The following SLC2A11 variants were observed in gnomAD, a reference collection of about 807,000 sequenced individuals.
SLC2A11 encodes solute carrier family 2 member 11.
SLC2A11 carries 43 observed loss-of-function variants against 52.1 expected under a neutral mutation model. That is an observed-to-expected ratio of 0.82 (90% CI 0.65 to 1.06). The LOEUF (loss-of-function observed/expected upper bound fraction) is 1.06, where lower values mean the gene tolerates loss of function less well. SLC2A11 is among the 50% of genes least tolerant of loss of function. The pLI, the probability that SLC2A11 is intolerant of heterozygous loss-of-function variation, is 0.00. For missense variants in SLC2A11, 582 were observed against 654.2 expected, an observed-to-expected ratio of 0.89 and a Z score of 1.20; for synonymous variants, 261 against 277.6, an observed-to-expected ratio of 0.94 and a Z score of 0.59.
chr22:23,862,561 A>C (rs1462507426), intron 2 of SLC2A11, among the ~76,000 whole-genome samples: 1 of 150,672 alleles, frequency 6.6e-6, no homozygotes, highest in Non-Finnish European at 1.5e-5. Flanking sequence ...CAGCCTCCTC[A>C]CTGGCCTCCT....
In SLC2A11 at chr22:23,882,481, CG is replaced by C; in HGVS notation, c.721del (p.Asp241ThrfsTer33). On this transcript the variant is annotated frameshift_variant, in exon 7 of 12. Transcript: ENST00000316185. LOFTEE classifies it high-confidence loss of function. ...LAALRRLRGSGDLAGELEELE... is the reference protein window; with the variant it reads ...LAALRRLRGSXDLAGELEELE... ...CAGCACTACGGCGGCTCCGGGGCTCCGGGGACTTGGCAGGGGAGCTGGAGGA... is the reference window on the plus strand; with the variant it reads ...CAGCACTACGGCGGCTCCGGGGCTCCGGGACTTGGCAGGGGAGCTGGAGGA... 3 of 1,554,466 alleles carry C rather than the reference CG, an allele frequency of 1.9e-6. No homozygotes were observed.
chr22:23,883,919 T>A, intron 9 of SLC2A11, 30 bp from the exon 10 acceptor site: 1 of 1,610,764 alleles, frequency 6.2e-7, no homozygotes, highest in Non-Finnish European at 8.5e-7. Flanking sequence ...CGGGCTGACT[T>A]CCACCTCACC....
At chr22:23,881,125 G>A (rs193022120) in intron 6 of SLC2A11, 6 of 151,484 alleles carry the variant, frequency 4.0e-5, no homozygotes, top group East Asian at 1.9e-4. Flanking sequence ...ATAACATCTC[G>A]GTGGTAAAGA....
chr22:23,857,851 C>T, upstream of SLC2A11: 1 of 1,514,212 alleles, frequency 6.6e-7, no homozygotes, highest in Non-Finnish European at 8.8e-7. Context: ...TCCTCTCAAA[C>T]GCTCACTGCG....
At chr22:23,868,426 T>G in intron 2 of SLC2A11, 55 bp from the exon 3 acceptor site, 1 of 1,601,206 alleles carries the variant, frequency 6.2e-7, no homozygotes. Flanking sequence ...GCTTGTTTCA[T>G]CTAGCACCCC....
Position 23,858,022 on chromosome 22 carries a change from C to T in SLC2A11, c.23C>T (p.Ser8Phe), listed in dbSNP as rs1343995569. MLHALLR[S>F]RMIQGRILLL... is the part of the protein sequence containing the mutation. Reference sequence around the variant, plus strand: ...CGAATGCTCCACGCCCTCCTGCGATCTAGAATGGTATGAATTCTCATACTT... The same window carrying T: ...CGAATGCTCCACGCCCTCCTGCGATTTAGAATGGTATGAATTCTCATACTT... Residue 8 changes from serine to phenylalanine, a missense_variant, in exon 1 of 12, where the codon TCT (serine) becomes TTT (phenylalanine). Ser to Phe is a radical substitution (Grantham distance 155). Coordinates refer to ENST00000316185, the MANE Select transcript of SLC2A11 (RefSeq NM_001024939.4). 18 of 1,571,346 alleles carry T rather than the reference C, an allele frequency of 1.1e-5. No homozygotes were observed. Among genetic ancestry groups the T allele is most frequent in the Non-Finnish European group, 1.6e-5 (18 of 1,157,998 alleles).
chr22:23,881,429 C>T (rs1030912609), intron 6 of SLC2A11: 3 of 152,288 alleles, frequency 2.0e-5, no homozygotes, highest in Non-Finnish European at 4.4e-5. Flanking sequence ...TACGCCCTCA[C>T]TGCAGCCTCA....
Position 23,882,479 on chromosome 22 carries a change from T to A in SLC2A11, c.715T>A (p.Ser239Thr). 3 of 1,552,506 alleles carry A rather than the reference T, an allele frequency of 1.9e-6. No homozygotes were observed. The highest frequency in any genetic ancestry group is 2.6e-6 in the Non-Finnish European group (3 of 1,151,250). The change falls in exon 7 of 12, where the codon TCC (serine) becomes ACC (threonine). Residue 239 changes from serine to threonine, a missense_variant. Coordinates refer to ENST00000316185, the MANE Select transcript of SLC2A11 (RefSeq NM_001024939.4). ...CLAALRRLRG[S>T]GDLAGELEEL... The stretch of plus-strand genomic sequence containing the variant: ...CTCAGCACTACGGCGGCTCCGGGGC[T>A]CCGGGGACTTGGCAGGGGAGCTGGA...
At chr22:23,883,539 T>C in intron 8 of SLC2A11, 2 of 500,336 alleles carry the variant, frequency 4.0e-6, no homozygotes, top group Middle Eastern at 5.0e-4. Flanking sequence ...AGAGCATCTA[T>C]TGAGCATCTA....
upstream of SLC2A11, chr22:23,857,073 T>TGGGGGGGGGGGGGG (rs60895711): frequency 7.3e-6 from 3 of 409,888 alleles, no homozygotes; most frequent in Non-Finnish European, 1.2e-5. Context: ...TGTGTGTGTG[T>TGGGGGGGGGGGGGG]GGGGGGGGGG....
At chr22:23,857,565 C>G, upstream of SLC2A11, 2 of 1,540,518 alleles carry the variant, frequency 1.3e-6, no homozygotes, top group Non-Finnish European at 1.8e-6. Flanking sequence ...AACCCCGCGG[C>G]GGTGACCCCA....
At chr22:23,880,242 G>C (rs2032752984) in intron 6 of SLC2A11, among the ~76,000 whole-genome samples, 1 of 129,230 alleles carries the variant, frequency 7.7e-6, no homozygotes, top group East Asian at 2.3e-4. Flanking sequence ...CCTGGTGACA[G>C]AGTGAGACTC....
intron 8 of SLC2A11, chr22:23,883,142 A>T: frequency 2.1e-6 from 1 of 470,208 alleles, no homozygotes; most frequent in Non-Finnish European, 4.0e-6. Context: ...GGCGCCTGTA[A>T]TCCCAGGTAC....
chr22:23,868,465 G>T lies in SLC2A11; in HGVS notation c.130-16G>T, dbSNP rs1400687540. 5.0e-6 allele frequency: 8 copies of T among 1,613,472 alleles called. No homozygotes were observed. Among genetic ancestry groups the T allele is most frequent in the African/African-American group, 1.3e-5 (1 of 74,922 alleles). Reference sequence around the variant, plus strand: ...GCCACCATCCCCAGAAGGCTGACTGGCATTTCTGTCCACAGCACATTCAGG... The same window carrying T: ...GCCACCATCCCCAGAAGGCTGACTGTCATTTCTGTCCACAGCACATTCAGG... On this transcript the variant is annotated splice_polypyrimidine_tract_variant and intron_variant, in intron 2 of 11. Coordinates refer to ENST00000316185, the MANE Select transcript of SLC2A11 (RefSeq NM_001024939.4).
chr22:23,859,225 G>C (rs1442096263), intron 1 of SLC2A11, among the ~76,000 whole-genome samples: 1 of 152,224 alleles, frequency 6.6e-6, no homozygotes, highest in Non-Finnish European at 1.5e-5. Flanking sequence ...CAGATGCCAG[G>C]TTTCTCACCT....
chr22:23,883,788 G>C lies in SLC2A11; in HGVS notation c.1010G>C (p.Arg337Thr). Residue 337 changes from arginine (R) to threonine (T), a missense_variant, in exon 9 of 12, where the codon AGG becomes ACG. By Grantham distance (71) the Arg-to-Thr change is moderately conservative. Coordinates refer to ENST00000316185, the MANE Select transcript of SLC2A11 (RefSeq NM_001024939.4). Reference sequence around the variant, plus strand: ...CCTTTGCAGTGTGTGGTAATCGAGAGGGTGGGTCGGCGCGTGCTGCTCATC... The same window carrying C: ...CCTTTGCAGTGTGTGGTAATCGAGACGGTGGGTCGGCGCGTGCTGCTCATC... ...TAVVSCVVIERVGRRVLLIGG... is the reference protein window; with the variant it reads ...TAVVSCVVIETVGRRVLLIGG... 6.5e-7 allele frequency: 1 copy of C among 1,545,118 alleles called. No individual in the cohort carries two copies. The highest frequency in any genetic ancestry group is 8.7e-7 in the Non-Finnish European group (1 of 1,149,364).
In SLC2A11 at chr22:23,882,516, A is replaced by G. The variant is rs1310650041; in HGVS notation, c.752A>G (p.Glu251Gly). ...DLAGELEELEEERAACQGCRA... is the reference protein window; with the variant it reads ...DLAGELEELEGERAACQGCRA... Reference sequence around the variant, plus strand: ...GCAGGGGAGCTGGAGGAGCTGGAGGAGGAGCGCGCTGCCTGCCAGGGCTGC... The same window carrying G: ...GCAGGGGAGCTGGAGGAGCTGGAGGGGGAGCGCGCTGCCTGCCAGGGCTGC... Residue 251 changes from glutamate (E) to glycine (G), a missense_variant, in exon 7 of 12, where the codon GAG becomes GGG. Coordinates refer to ENST00000316185, the MANE Select transcript of SLC2A11 (RefSeq NM_001024939.4). 1.9e-6 allele frequency: 3 copies of G among 1,587,936 alleles called. No homozygotes were observed. Among genetic ancestry groups the G allele is most frequent in the African/African-American group, 1.3e-5 (1 of 74,182 alleles).
At chr22:23,882,691 G>C (rs760315424) in intron 7 of SLC2A11, 45 bp downstream of exon 7, 1 of 1,606,764 alleles carries the variant, frequency 6.2e-7, no homozygotes, top group South Asian at 1.1e-5. Context: ...CGGGGGCTTG[G>C]TGTTGCAGGC....
intron 2 of SLC2A11, chr22:23,866,955 C>T (rs1440371909): frequency 6.6e-6 from 1 of 152,280 alleles, no homozygotes; most frequent in Non-Finnish European, 1.5e-5. Flanking sequence ...GAGGCAACCT[C>T]CCAGGGAGGG....
Sources: gnomAD v4.1 joint callset for allele counts (sites outside exome capture counted in the v4.1 genomes callset) on GRCh38, gnomAD v4.1.1 for gene constraint, MANE v1.5 for transcripts, NCBI Gene and HGNC (gene_info 2026-07-23, HGNC 2026-07-21) for gene names.